Variants in C19orf12 observed in about 807,000 individuals in gnomAD.
The protein encoded by C19orf12 is protein C19orf12.
Under a neutral mutation model 3.8 loss-of-function variants are expected in C19orf12, and 2 were observed. That is an observed-to-expected ratio of 0.53 (90% CI 0.22 to 1.66). C19orf12 has a LOEUF of 1.66. Ranked by LOEUF, C19orf12 falls within the 40% of genes most tolerant of loss-of-function variation. The probability of loss-of-function intolerance (pLI) is 0.20; values close to 1 mark genes in which losing one functional copy is unlikely to be tolerated. For synonymous variants in C19orf12, 89 were observed against 84.6 expected (o/e 1.05, Z -0.28); for missense variants, 156 against 188.8 (o/e 0.83, Z 1.02).
intron 1 of C19orf12, among the ~76,000 whole-genome samples, chr19:29,714,232 C>T (rs1599556760): frequency 6.6e-6 from 1 of 152,148 alleles, no homozygotes; most frequent in Non-Finnish European, 1.5e-5. Flanking sequence ...GGGTGGCTCA[C>T]GTCTGTAATC....
At chr19:29,708,028 G>C (rs1290145399) in intron 2 of C19orf12, among the ~76,000 whole-genome samples, 1 of 151,728 alleles carries the variant, frequency 6.6e-6, no homozygotes. Flanking sequence ...CCAGACACCC[G>C]CCACCACGCC....
chr19:29,699,563 C>A lies in C19orf12; in HGVS notation c.*3149G>T. ...AACAATTGCAGGAAAGACACCAAAT[C>A]TGTTACCAGCAGTTTTCTGGGTTGT... On this transcript the variant is annotated 3_prime_UTR_variant, in exon 3 of 3. Coordinates refer to ENST00000323670, the MANE Select transcript of C19orf12 (RefSeq NM_031448.6). 1 of 453,614 alleles carries A rather than the reference C, an allele frequency of 2.2e-6. No individual in the cohort carries two copies. Among genetic ancestry groups the A allele is most frequent in the Non-Finnish European group, 4.4e-6 (1 of 226,728 alleles). 28.1% of individuals were successfully genotyped at this position (453,614 alleles called of 1,614,324 possible). A position where few individuals can be genotyped will look rare whatever the true frequency, so the allele number is the denominator to read the frequency against.
intron 2 of C19orf12, chr19:29,705,201 C>T (rs1972308510): frequency 3.7e-6 from 1 of 271,144 alleles, no homozygotes; most frequent in South Asian, 3.5e-5. Context: ...GCATGCCTCC[C>T]AAAGACTCCT....
chr19:29,702,089 G>A lies in C19orf12; in HGVS notation c.*623C>T. Reference sequence around the variant, plus strand: ...GAAGAGCGAGGCCCTGGCAGGGCGAGTCTAGGTGTGCAGCCTAGTGGGGGC... The same window carrying A: ...GAAGAGCGAGGCCCTGGCAGGGCGAATCTAGGTGTGCAGCCTAGTGGGGGC... On this transcript the variant is annotated 3_prime_UTR_variant, in exon 3 of 3. Transcript: ENST00000323670. 2.2e-6 allele frequency: 1 copy of A among 449,580 alleles called. No individual in the cohort carries two copies. The highest frequency in any genetic ancestry group is 4.5e-6 in the Non-Finnish European group (1 of 223,646). The allele number at this position is 449,580 out of a possible 1,614,324, so 27.8% of individuals were successfully genotyped here.
intron 1 of C19orf12, among the ~76,000 whole-genome samples, chr19:29,709,312 A>G (rs992708050): frequency 6.6e-6 from 1 of 152,204 alleles, no homozygotes; most frequent in Non-Finnish European, 1.5e-5. Context: ...TGCTGGAGCC[A>G]GGGCAGGGAG....
chr19:29,706,140 A>T (rs1972369921), intron 2 of C19orf12, among the ~76,000 whole-genome samples: 1 of 152,232 alleles, frequency 6.6e-6, no homozygotes. Flanking sequence ...ACACGCAGAC[A>T]GGGTTCACCT....
intron 2 of C19orf12, chr19:29,705,201 C>A: frequency 3.7e-6 from 1 of 271,144 alleles, no homozygotes; most frequent in Admixed American, 4.3e-5. Flanking sequence ...GCATGCCTCC[C>A]AAAGACTCCT....
intron 1 of C19orf12, among the ~76,000 whole-genome samples, chr19:29,711,005 C>A (rs1972635761): frequency 6.8e-6 from 1 of 146,134 alleles, no homozygotes; most frequent in Non-Finnish European, 1.5e-5. Flanking sequence ...AACAAAATGA[C>A]ATAGATAGCT....
intron 1 of C19orf12, among the ~76,000 whole-genome samples, chr19:29,712,821 C>T (rs755442883): frequency 2.0e-5 from 3 of 152,110 alleles, no homozygotes; most frequent in Non-Finnish European, 4.4e-5. Flanking sequence ...GCCATGAGAC[C>T]CAGAACTTCA....
In C19orf12 at chr19:29,700,515, C is replaced by T. The variant is rs762424422; in HGVS notation, c.*2197G>A. On this transcript the variant is annotated 3_prime_UTR_variant, in exon 3 of 3. Coordinates refer to ENST00000323670, the MANE Select transcript of C19orf12 (RefSeq NM_031448.6). ...TTAGTTCCAGGGTCCGTATGCAGGA[C>T]TTATTTGCAGGAAGAGCAGGAATGA... 6.6e-6 allele frequency: 3 copies of T among 454,006 alleles called. No homozygotes were observed. The highest frequency in any genetic ancestry group is 2.4e-5 in the Admixed American group (1 of 42,546). The allele number at this position is 454,006 out of a possible 1,614,324, so 28.1% of individuals were successfully genotyped here. A position where few individuals can be genotyped will look rare whatever the true frequency, so the allele number is the denominator to read the frequency against.
chr19:29,703,212 C>G (rs1972207458), intron 2 of C19orf12, among the ~76,000 whole-genome samples: 1 of 152,054 alleles, frequency 6.6e-6, no homozygotes, highest in South Asian at 2.1e-4. Context: ...TCCCTGGGCT[C>G]CACATTTAAG....
At position 29,701,821 on chromosome 19, in the gene C19orf12, A is replaced by G. The variant is rs977302890; in HGVS notation, c.*891T>C. The G allele has an allele frequency of 2.7e-5, 12 of 452,648 alleles. No homozygotes were observed. The highest frequency in any genetic ancestry group is 4.9e-5 in the Non-Finnish European group (11 of 225,842). The allele number at this position is 452,648 out of a possible 1,614,324, so 28.0% of individuals were successfully genotyped here. A position where few individuals can be genotyped will look rare whatever the true frequency, so the allele number is the denominator to read the frequency against. On this transcript the variant is annotated 3_prime_UTR_variant, in exon 3 of 3. Coordinates refer to ENST00000323670, the MANE Select transcript of C19orf12 (RefSeq NM_031448.6). The stretch of plus-strand genomic sequence containing the variant: ...TTTGAACAGTAAATATTTTTAAATT[A>G]AGGTTTGTACATTTGTTAGACATAA...
At chr19:29,713,854 AC>A in intron 1 of C19orf12, among the ~76,000 whole-genome samples, 1 of 151,864 alleles carries the variant, frequency 6.6e-6, no homozygotes, top group African/African-American at 2.4e-5. Context: ...TGCCCTCCCT[AC>A]CCCAGCTCCT....
chr19:29,699,835 T>C lies in C19orf12; in HGVS notation c.*2877A>G. 1 of 449,502 alleles carries C rather than the reference T, an allele frequency of 2.2e-6. No homozygotes were observed. The highest frequency in any genetic ancestry group is 1.6e-5 in the South Asian group (1 of 62,942). The allele number at this position is 449,502 out of a possible 1,614,324, so 27.8% of individuals were successfully genotyped here. A position where few individuals can be genotyped will look rare whatever the true frequency, so the allele number is the denominator to read the frequency against. On this transcript the variant is annotated 3_prime_UTR_variant, in exon 3 of 3. Transcript: ENST00000323670. ...CAGGTATTACTTATTCAAAAATAAA[T>C]AAATTTCTACAAAGAAGATACAGAT... is the stretch of plus-strand genomic sequence containing the variant.
At position 29,700,771 on chromosome 19, in the gene C19orf12, T is replaced by G. The variant is rs763038839; in HGVS notation, c.*1941A>C. 6 of 454,010 alleles carry G rather than the reference T, an allele frequency of 1.3e-5. No homozygotes were observed. The highest frequency in any genetic ancestry group is 9.3e-5 in the South Asian group (6 of 64,484). The allele number at this position is 454,010 out of a possible 1,614,324, so 28.1% of individuals were successfully genotyped here. On this transcript the variant is annotated 3_prime_UTR_variant, in exon 3 of 3. Coordinates refer to ENST00000323670, the MANE Select transcript of C19orf12 (RefSeq NM_031448.6). ...GCCCTTCCTTAATCACCATGGGTTA[T>G]AATTCACCCTGACGTCCTTACACAC...
At position 29,713,223 on chromosome 19, in the gene C19orf12, G is replaced by A. The variant is rs117416996; in HGVS notation, c.-11+1902C>T. On this transcript the variant is annotated intron_variant, in intron 1 of 2. Coordinates refer to ENST00000323670, the MANE Select transcript of C19orf12 (RefSeq NM_031448.6). Reference sequence around the variant, plus strand: ...GGGAAGTGGGTGAGGAGGGAGGATGGGGACAGACCTTAGGGGGTGGGAGTG... The same window carrying A: ...GGGAAGTGGGTGAGGAGGGAGGATGAGGACAGACCTTAGGGGGTGGGAGTG... 5.2e-3 allele frequency among the ~76,000 whole-genome samples: 798 copies of A among 152,008 alleles called. 30 individuals are homozygous for A. In the East Asian group the frequency reaches 0.085, roughly 16 times the overall value.
intron 1 of C19orf12, among the ~76,000 whole-genome samples, chr19:29,709,621 C>T (rs1466505836): frequency 6.6e-6 from 1 of 151,428 alleles, no homozygotes; most frequent in African/African-American, 2.4e-5. Context: ...CCTTGACCTC[C>T]TGGGCTCAAG....
intron 2 of C19orf12, among the ~76,000 whole-genome samples, chr19:29,707,640 A>G (rs575870565): frequency 4.2e-4 from 64 of 152,308 alleles, no homozygotes; most frequent in African/African-American, 1.5e-3. Context: ...CTGGGATCCC[A>G]GCACTGGGGG....
chr19:29,708,197 A>G (rs1972478121), intron 2 of C19orf12, 57 bp downstream of exon 2: 1 of 1,599,368 alleles, frequency 6.3e-7, no homozygotes, highest in Non-Finnish European at 8.5e-7. Context: ...CTGTGTTTCA[A>G]CGGCCCTTTT....
Sources: allele counts gnomAD v4.1 joint callset (sites outside exome capture counted in the v4.1 genomes callset), GRCh38; gene constraint gnomAD v4.1.1; transcripts MANE v1.5; gene names NCBI Gene and HGNC (gene_info 2026-07-23, HGNC 2026-07-21).